Variants in STXBP4 observed in about 807,000 individuals in gnomAD.
STXBP4 encodes syntaxin-binding protein 4.
A neutral mutation model predicts 76.1 loss-of-function variants in STXBP4; 55 were observed. That is an observed-to-expected ratio of 0.72 (90% CI 0.58 to 0.91). The LOEUF (loss-of-function observed/expected upper bound fraction) is 0.91. Ranked by LOEUF, STXBP4 falls within the 40% of genes least tolerant of loss-of-function variation. STXBP4 has a pLI of 0.00. For synonymous variants in STXBP4, 201 were observed against 220.2 expected (o/e 0.91, Z 0.77); for missense variants, 618 against 636.9 (o/e 0.97, Z 0.32).
intron 16 of STXBP4, among the ~76,000 whole-genome samples, chr17:55,129,591 AAAG>A (rs1434375017): frequency 1.3e-5 from 2 of 152,152 alleles, no homozygotes; most frequent in Admixed American, 6.5e-5. Context: ...AAAGAAAAGA[AAAG>A]AAGGAGGGAG....
chr17:55,139,468 A>T (rs1031359010), intron 16 of STXBP4, among the ~76,000 whole-genome samples: 2 of 152,146 alleles, frequency 1.3e-5, no homozygotes, highest in African/African-American at 4.8e-5. Context: ...GTTATTTCTG[A>T]GCATTTTTGT....
At chr17:55,097,486 A>AC (rs1270006950) in intron 16 of STXBP4, among the ~76,000 whole-genome samples, 1 of 152,064 alleles carries the variant, frequency 6.6e-6, no homozygotes, top group Non-Finnish European at 1.5e-5. Flanking sequence ...ACACGGTGAA[A>AC]CCCCGTCTCT....
rs530385369 is a variant in STXBP4 at position 55,084,852 on chromosome 17, G to A, written c.1489+3669G>A. On this transcript the variant is annotated intron_variant, in intron 16 of 17. Coordinates refer to ENST00000376352, the MANE Select transcript of STXBP4 (RefSeq NM_178509.6). ...TTCCATTGATCTATATCTCTGTTTT[G>A]GTACCAGTATATAACCAAAGGACTA... Among the ~76,000 whole-genome samples, 147 of 152,108 alleles carry A rather than the reference G, an allele frequency of 9.7e-4. 1 individual carries two copies. The highest frequency in any genetic ancestry group is 3.5e-3 in the African/African-American group (145 of 41,474).
chr17:55,017,127 T>G (rs2078222287), intron 8 of STXBP4, among the ~76,000 whole-genome samples: 1 of 152,164 alleles, frequency 6.6e-6, no homozygotes, highest in African/African-American at 2.4e-5. Context: ...GGTTTTAAAT[T>G]TACCCTGGCT....
intron 12 of STXBP4, among the ~76,000 whole-genome samples, chr17:55,070,354 G>C (rs1736505163): frequency 6.6e-6 from 1 of 152,174 alleles, no homozygotes; most frequent in Non-Finnish European, 1.5e-5. Context: ...CAGCAGTCTA[G>C]TGTGAAGTTG....
the STXBP4 span, among the ~76,000 whole-genome samples, chr17:55,180,611 G>GCAAC: frequency 6.6e-6 from 1 of 152,198 alleles, no homozygotes; most frequent in Non-Finnish European, 1.5e-5. Context: ...TACAGGTAAG[G>GCAAC]CAACCAACTC....
chr17:55,155,387 C>T (rs566202520), intron 17 of STXBP4, among the ~76,000 whole-genome samples: 62 of 152,042 alleles, frequency 4.1e-4, no homozygotes, highest in African/African-American at 1.4e-3. Context: ...GCAGTTTATG[C>T]CCAGTTGTAA....
chr17:55,020,237 T>A (rs1012271428), intron 8 of STXBP4, among the ~76,000 whole-genome samples: 1 of 152,214 alleles, frequency 6.6e-6, no homozygotes, highest in African/African-American at 2.4e-5. Flanking sequence ...CATTTTCAAC[T>A]CTTTCTTCTA....
intron 13 of STXBP4, 88 bp downstream of exon 13, chr17:55,073,164 C>G (rs1033179106): frequency 4.9e-5 from 59 of 1,205,106 alleles, no homozygotes; most frequent in Non-Finnish European, 6.9e-5. Context: ...ATCTGCACTT[C>G]TAAACTAGGT....
chr17:55,004,413 C>T (rs533089122), intron 7 of STXBP4, among the ~76,000 whole-genome samples: 15 of 151,892 alleles, frequency 9.9e-5, no homozygotes, highest in Admixed American at 2.6e-4. Context: ...ACAGAAAATC[C>T]GAGAGAGGCC....
intron 1 of STXBP4, among the ~76,000 whole-genome samples, chr17:54,983,354 G>A (rs1360357511): frequency 2.0e-5 from 3 of 152,322 alleles, no homozygotes; most frequent in South Asian, 2.1e-4. Context: ...TTGTAGAGTA[G>A]CATTTATACA....
chr17:55,192,884 T>C, the STXBP4 span, among the ~76,000 whole-genome samples: 1 of 152,190 alleles, frequency 6.6e-6, no homozygotes, highest in African/African-American at 2.4e-5. Context: ...GGAGCCTCTC[T>C]GATGAGGAAA....
chr17:55,047,187 TG>T (rs2078802158), intron 12 of STXBP4, 33 bp downstream of exon 12: 6 of 229,702 alleles, frequency 2.6e-5, no homozygotes, highest in African/African-American at 2.3e-4. Context: ...TATGTGCTCG[TG>T]TGTGTGTGTG....
chr17:55,179,057 T>C, the STXBP4 span, among the ~76,000 whole-genome samples: 1 of 151,784 alleles, frequency 6.6e-6, no homozygotes, highest in Admixed American at 6.6e-5. Context: ...ATTGTTATTA[T>C]TGTAGATCTG....
chr17:55,137,008 G>T (rs1020313875), intron 16 of STXBP4, among the ~76,000 whole-genome samples: 8 of 151,942 alleles, frequency 5.3e-5, no homozygotes, highest in African/African-American at 1.9e-4. Flanking sequence ...TCTAATAAGG[G>T]TATCATGCTA....
chr17:55,109,696 C>T (rs2079688577), intron 16 of STXBP4, among the ~76,000 whole-genome samples: 1 of 146,204 alleles, frequency 6.8e-6, no homozygotes, highest in South Asian at 2.2e-4. Context: ...GTGGCACAAT[C>T]TCAGCTCACT....
chr17:55,095,160 T>G (rs1267033142), intron 16 of STXBP4, among the ~76,000 whole-genome samples: 1 of 152,138 alleles, frequency 6.6e-6, no homozygotes, highest in Admixed American at 6.5e-5. Context: ...GTCTATCACA[T>G]TAAATGGTTT....
chr17:54,988,942 A>T (rs2144390657), intron 3 of STXBP4, among the ~76,000 whole-genome samples: 1 of 152,288 alleles, frequency 6.6e-6, no homozygotes, highest in Admixed American at 6.5e-5. Flanking sequence ...TTATATATGG[A>T]GAGCAAAATA....
At position 55,073,121 on chromosome 17, in the gene STXBP4, C is replaced by T. The variant is rs780823571; in HGVS notation, c.1188+45C>T. ...CTTCCAGTTACCATGGTTTCCTTGC[C>T]GTTGTCATGTATCCTGTTTTCATTT... On this transcript the variant is annotated intron_variant, in intron 13 of 17. Transcript: ENST00000376352. 1.6e-5 allele frequency: 25 copies of T among 1,572,602 alleles called. 1 individual carries two copies. In the Middle Eastern group the frequency reaches 6.7e-4, roughly 42 times the overall value.
Sources: allele counts gnomAD v4.1 joint callset (sites outside exome capture counted in the v4.1 genomes callset), GRCh38; gene constraint gnomAD v4.1.1; transcripts MANE v1.5; gene names NCBI Gene and HGNC (gene_info 2026-07-23, HGNC 2026-07-21).